The following DDX10 variants were observed in gnomAD, a reference collection of about 807,000 sequenced individuals.
DDX10 encodes probable ATP-dependent RNA helicase DDX10.
DDX10 carries 74 observed loss-of-function variants against 104.3 expected under a neutral mutation model. The observed-to-expected ratio is 0.71, with a 90% CI of 0.59 to 0.86. DDX10 has a LOEUF of 0.86. Among genes scored for constraint, DDX10 ranks in the 40% least tolerant of loss-of-function variants. The probability of loss-of-function intolerance (pLI) is 0.00; values close to 1 mark genes in which losing one functional copy is unlikely to be tolerated. For missense variants in DDX10, 952 were observed against 1,040.0 expected (o/e 0.92, Z 1.16); for synonymous variants, 351 against 353.4 (o/e 0.99, Z 0.08).
chr11:108,770,137 TATTC>T (rs762193417), intron 13 of DDX10, among the ~76,000 whole-genome samples: 9 of 152,198 alleles, frequency 5.9e-5, no homozygotes, highest in African/African-American at 1.7e-4. Context: ...TTTATTTATT[TATTC>T]ATTCATTCAT....
intron 17 of DDX10, among the ~76,000 whole-genome samples, chr11:108,935,654 A>G (rs190376587): frequency 2.6e-5 from 4 of 152,206 alleles, no homozygotes; most frequent in Admixed American, 6.5e-5. Flanking sequence ...AGGCTGATAT[A>G]TAAGACTGAA....
chr11:108,847,711 A>G (rs1862738208), intron 15 of DDX10, among the ~76,000 whole-genome samples: 2 of 152,254 alleles, frequency 1.3e-5, no homozygotes, highest in African/African-American at 2.4e-5. Flanking sequence ...GTAATCAGGC[A>G]TCTGAGGAAT....
intron 2 of DDX10, among the ~76,000 whole-genome samples, chr11:108,675,088 TTGTGTGTGTGTG>T (rs142204234): frequency 2.7e-3 from 399 of 146,880 alleles, no homozygotes; most frequent in African/African-American, 8.4e-3. Flanking sequence ...CATATTCCAT[TTGTGTGTGTGTG>T]TGTGTGTGTG....
intron 10 of DDX10, among the ~76,000 whole-genome samples, chr11:108,708,627 T>G (rs1305994951): frequency 6.6e-6 from 1 of 151,596 alleles, no homozygotes; most frequent in Non-Finnish European, 1.5e-5. Flanking sequence ...GAGTGCAGTC[T>G]TGCAATCTTG....
chr11:108,800,510 A>G (rs541878853), intron 13 of DDX10, among the ~76,000 whole-genome samples: 44 of 151,032 alleles, frequency 2.9e-4, no homozygotes, highest in African/African-American at 9.5e-4. Flanking sequence ...CTATGAATCT[A>G]TCACACTCCA....
At chr11:108,898,062 A>G (rs1863464184) in intron 16 of DDX10, among the ~76,000 whole-genome samples, 1 of 152,178 alleles carries the variant, frequency 6.6e-6, no homozygotes, top group Non-Finnish European at 1.5e-5. Flanking sequence ...TAAGAAAGAA[A>G]AAAACTCTTG....
At chr11:108,810,186 G>C (rs1371684756) in intron 13 of DDX10, among the ~76,000 whole-genome samples, 1 of 152,112 alleles carries the variant, frequency 6.6e-6, no homozygotes, top group Non-Finnish European at 1.5e-5. Context: ...CATGGAGAAG[G>C]AGATAGTTAG....
intron 2 of DDX10, among the ~76,000 whole-genome samples, chr11:108,675,088 TTGTG>T (rs142204234): frequency 0.049 from 7,240 of 146,758 alleles, 241 homozygotes; most frequent in East Asian, 0.21. Flanking sequence ...CATATTCCAT[TTGTG>T]TGTGTGTGTG....
At chr11:108,924,254 T>C (rs1253648422) in intron 17 of DDX10, among the ~76,000 whole-genome samples, 1 of 152,186 alleles carries the variant, frequency 6.6e-6, no homozygotes, top group Non-Finnish European at 1.5e-5. Flanking sequence ...TACATCAATC[T>C]TTGCTTTGTA....
At chr11:108,864,052 G>T (rs1862974556) in intron 16 of DDX10, among the ~76,000 whole-genome samples, 1 of 152,164 alleles carries the variant, frequency 6.6e-6, no homozygotes, top group Non-Finnish European at 1.5e-5. Flanking sequence ...TAACAGTAGT[G>T]GTGTTGCCTG....
chr11:108,695,497 G>C (rs2094258451), intron 9 of DDX10, among the ~76,000 whole-genome samples: 1 of 152,150 alleles, frequency 6.6e-6, no homozygotes, highest in Non-Finnish European at 1.5e-5. Flanking sequence ...GTCCACTTCA[G>C]CAAGTGGCCC....
At chr11:108,816,930 C>T (rs938693897) in intron 13 of DDX10, among the ~76,000 whole-genome samples, 3 of 152,178 alleles carry the variant, frequency 2.0e-5, no homozygotes, top group African/African-American at 7.2e-5. Flanking sequence ...GCAACCCCCA[C>T]CTTCCAAAGT....
chr11:108,813,051 G>C (rs1367954576), intron 13 of DDX10, among the ~76,000 whole-genome samples: 1 of 145,326 alleles, frequency 6.9e-6, no homozygotes, highest in Non-Finnish European at 1.5e-5. Flanking sequence ...AATTGGTACA[G>C]AATTCATGAT....
At chr11:108,717,127 G>T (rs1857519967) in intron 11 of DDX10, among the ~76,000 whole-genome samples, 2 of 152,152 alleles carry the variant, frequency 1.3e-5, no homozygotes, top group African/African-American at 4.8e-5. Flanking sequence ...ATGAGCCAGA[G>T]AGTAGGGATT....
chr11:108,716,740 G>A (rs1027587804), intron 11 of DDX10, among the ~76,000 whole-genome samples: 1 of 152,092 alleles, frequency 6.6e-6, no homozygotes, highest in Non-Finnish European at 1.5e-5. Flanking sequence ...TGGACTTAAA[G>A]ATCTTGATTA....
intron 16 of DDX10, among the ~76,000 whole-genome samples, chr11:108,884,632 A>G (rs916971830): frequency 1.3e-5 from 2 of 151,578 alleles, no homozygotes; most frequent in Admixed American, 6.6e-5. Context: ...CTTTTATGAA[A>G]CTCTTCTTCC....
At chr11:108,787,743 C>T (rs140127684) in intron 13 of DDX10, among the ~76,000 whole-genome samples, 6 of 152,056 alleles carry the variant, frequency 3.9e-5, no homozygotes, top group Admixed American at 2.6e-4. Flanking sequence ...AGACTAGCTT[C>T]ACCATGGAGA....
At chr11:108,789,911 C>G (rs1231658888) in intron 13 of DDX10, among the ~76,000 whole-genome samples, 2 of 152,126 alleles carry the variant, frequency 1.3e-5, no homozygotes, top group Non-Finnish European at 2.9e-5. Context: ...CAGACTTGTC[C>G]CCTCTTGATT....
At chr11:108,824,268 C>T (rs181828337) in intron 13 of DDX10, among the ~76,000 whole-genome samples, 6 of 152,130 alleles carry the variant, frequency 3.9e-5, no homozygotes, top group South Asian at 2.1e-4. Context: ...ATCTCGAACT[C>T]GTGACCTCAA....
Sources: gnomAD v4.1 joint callset for allele counts (sites outside exome capture counted in the v4.1 genomes callset) on GRCh38, gnomAD v4.1.1 for gene constraint, MANE v1.5 for transcripts, NCBI Gene and HGNC (gene_info 2026-07-23, HGNC 2026-07-21) for gene names.